KAT6A: variants seen among roughly 807,000 people sequenced by gnomAD.
The protein encoded by KAT6A is histone acetyltransferase KAT6A.
KAT6A carries 9 observed loss-of-function variants against 198.4 expected under a neutral mutation model. The observed-to-expected ratio is 0.05, with a 90% CI of 0.03 to 0.08. The LOEUF (loss-of-function observed/expected upper bound fraction) is 0.08. KAT6A is among the 10% of genes least tolerant of loss of function. The pLI is 1.00. For missense variants in KAT6A, 2,077 were observed against 2,509.9 expected (o/e 0.83, Z 3.69); for synonymous variants, 890 against 883.0 (o/e 1.01, Z -0.14).
rs370715805 is a variant in KAT6A, at chr8:41,974,677, T to C, written c.1482+27A>G. 133 of 1,390,776 alleles carry C rather than the reference T, an allele frequency of 9.6e-5. 1 individual carries two copies. The South Asian group carries it at 1.5e-3, about 16-fold the overall frequency. 86.2% of individuals were successfully genotyped at this position (1,390,776 alleles called of 1,614,324 possible). A position where few individuals can be genotyped will look rare whatever the true frequency, so the allele number is the denominator to read the frequency against. ...TCTCAGCCATGAACAAGTTGCTTGA[T>C]TGTCTAACCTGAATATCCAACTTTA... On this transcript the variant is annotated intron_variant, in intron 8 of 16. Coordinates refer to ENST00000265713, the MANE Select transcript of KAT6A (RefSeq NM_006766.5).
chr8:42,031,930 C>T (rs1170215541), intron 2 of KAT6A, among the ~76,000 whole-genome samples: 5 of 147,238 alleles, frequency 3.4e-5, no homozygotes, highest in African/African-American at 7.5e-5. Context: ...CATGCCTGGT[C>T]GTACTTTTTT....
intron 8 of KAT6A, among the ~76,000 whole-genome samples, chr8:41,967,911 G>C (rs1823592538): frequency 6.6e-6 from 1 of 152,044 alleles, no homozygotes; most frequent in Non-Finnish European, 1.5e-5. Flanking sequence ...TGGGAAAACT[G>C]GCTACCCATA....
At position 41,949,313 on chromosome 8, in the gene KAT6A, C is replaced by A; in HGVS notation, c.1649G>T (p.Arg550Ile). ...CTTCATGTGCTGCTGCAGAATAGTT[C>A]TACTTTTCATATATTTTAGACAAAA... ...CEFCLKYMKS[R>I]TILQQHMKKC... The change falls in exon 10 of 17, where the codon AGA becomes ATA. Residue 550 changes from arginine to isoleucine, a missense_variant. By Grantham distance (97) the Arg-to-Ile change is moderately conservative (BLOSUM62 -3). This residue lies in a region of KAT6A where 46 missense variants were observed against 88.2 expected (regional missense o/e 0.52). Coordinates refer to ENST00000265713, the MANE Select transcript of KAT6A (RefSeq NM_006766.5). The A allele has an allele frequency of 6.4e-7, 1 of 1,571,310 alleles. No individual in the cohort carries two copies. Among genetic ancestry groups the A allele is most frequent in the Non-Finnish European group, 8.6e-7 (1 of 1,162,828 alleles).
chr8:41,999,710 C>T (rs1825392248), intron 2 of KAT6A, among the ~76,000 whole-genome samples: 1 of 152,206 alleles, frequency 6.6e-6, no homozygotes, highest in South Asian at 2.1e-4. Flanking sequence ...ACTTTACGCT[C>T]ATTCTCCAGG....
chr8:41,990,064 C>A (rs1824853073), intron 2 of KAT6A, among the ~76,000 whole-genome samples: 1 of 151,430 alleles, frequency 6.6e-6, no homozygotes, highest in South Asian at 2.1e-4. Flanking sequence ...AAAAAAAAAC[C>A]CAACAACTCT....
At chr8:42,001,187 T>C (rs927683358) in intron 2 of KAT6A, among the ~76,000 whole-genome samples, 7 of 152,160 alleles carry the variant, frequency 4.6e-5, no homozygotes, top group South Asian at 4.1e-4. Context: ...GCATTATTCA[T>C]AGCAAAAAGA....
chr8:42,009,725 C>T (rs1825920492), intron 2 of KAT6A, among the ~76,000 whole-genome samples: 1 of 151,166 alleles, frequency 6.6e-6, no homozygotes, highest in Non-Finnish European at 1.5e-5. Flanking sequence ...ATATGAAGAC[C>T]TTGTCTCTAC....
At chr8:41,955,248 A>C (rs1481168626) in intron 9 of KAT6A, 48 bp downstream of exon 9, 4 of 1,147,598 alleles carry the variant, frequency 3.5e-6, no homozygotes, top group Non-Finnish European at 5.3e-6. Context: ...CCAGTTCCAG[A>C]CTTCTATGGA....
chr8:42,032,507 A>G (rs1175194954), intron 2 of KAT6A, among the ~76,000 whole-genome samples: 1 of 152,188 alleles, frequency 6.6e-6, no homozygotes, highest in East Asian at 1.9e-4. Flanking sequence ...ACAAAACTGT[A>G]TTTTTATCAG....
intron 15 of KAT6A, 99 bp from the exon 16 acceptor site, chr8:41,937,667 A>AT: frequency 1.1e-6 from 1 of 926,656 alleles, no homozygotes; most frequent in Non-Finnish European, 1.6e-6. Context: ...TAGCACATAT[A>AT]AAATGAGGAT....
intron 9 of KAT6A, among the ~76,000 whole-genome samples, chr8:41,953,624 C>G (rs910496910): frequency 6.6e-6 from 1 of 152,210 alleles, no homozygotes; most frequent in African/African-American, 2.4e-5. Context: ...CAGGCACCCA[C>G]CACCACGCCT....
At chr8:41,977,491 A>T (rs1195731570) in intron 6 of KAT6A, 164 bp from the exon 7 acceptor site, 2 of 505,478 alleles carry the variant, frequency 4.0e-6, no homozygotes, top group South Asian at 4.1e-5. Flanking sequence ...ATGAAAATTA[A>T]TATTATTATT....
chr8:41,937,187 G>A (rs1821891153), intron 16 of KAT6A, 69 bp downstream of exon 16: 2 of 1,212,168 alleles, frequency 1.6e-6, no homozygotes, highest in African/African-American at 1.5e-5. Flanking sequence ...TTTACTGAAG[G>A]GTCTGTCACT....
At chr8:42,032,188 G>A (rs1827164963) in intron 2 of KAT6A, among the ~76,000 whole-genome samples, 1 of 152,098 alleles carries the variant, frequency 6.6e-6, no homozygotes, top group Non-Finnish European at 1.5e-5. Context: ...CTGTAGTCTT[G>A]CACAACAGGC....
At chr8:41,943,460 T>C (rs1304119268) in intron 13 of KAT6A, among the ~76,000 whole-genome samples, 1 of 152,154 alleles carries the variant, frequency 6.6e-6, no homozygotes, top group African/African-American at 2.4e-5. Context: ...ACTTCTTGTA[T>C]TGTGAAAGAG....
intron 6 of KAT6A, among the ~76,000 whole-genome samples, chr8:41,978,406 A>G (rs2150887318): frequency 6.6e-6 from 1 of 152,346 alleles, no homozygotes; most frequent in South Asian, 2.1e-4. Context: ...AATGAAAGTA[A>G]CAGCAGCAGC....
At chr8:42,020,520 G>C (rs926553183) in intron 2 of KAT6A, among the ~76,000 whole-genome samples, 1 of 152,140 alleles carries the variant, frequency 6.6e-6, no homozygotes, top group Admixed American at 6.5e-5. Flanking sequence ...CCACTTGCCT[G>C]ACAGCAGACT....
intron 8 of KAT6A, among the ~76,000 whole-genome samples, chr8:41,974,005 C>T (rs1453775084): frequency 1.3e-5 from 2 of 152,150 alleles, no homozygotes; most frequent in African/African-American, 4.8e-5. Context: ...CAGTCATTCA[C>T]TGGCATCTCC....
chr8:42,013,240 T>C (rs1030047270), intron 2 of KAT6A, among the ~76,000 whole-genome samples: 31 of 145,114 alleles, frequency 2.1e-4, no homozygotes, highest in Non-Finnish European at 3.7e-4. Context: ...GGGAGGTGGC[T>C]CTGTCATTTT....
Sources: allele counts gnomAD v4.1 joint callset (sites outside exome capture counted in the v4.1 genomes callset), GRCh38; gene constraint gnomAD v4.1.1; regional missense constraint gnomAD v4.1.1; transcripts MANE v1.5; gene names NCBI Gene and HGNC (gene_info 2026-07-23, HGNC 2026-07-21).